Variants in SLC39A11 observed in about 807,000 individuals in gnomAD.
SLC39A11 encodes zinc transporter ZIP11.
In SLC39A11, 33 loss-of-function variants were observed where a neutral mutation model predicts 36.1. The ratio of observed to expected loss-of-function variants is 0.91; its 90% CI spans 0.69 to 1.22. The LOEUF is 1.22. SLC39A11 is among the 50% of genes most tolerant of loss of function. The pLI, the probability that SLC39A11 is intolerant of heterozygous loss-of-function variation, is 0.00. For missense variants in SLC39A11, 432 were observed against 430.3 expected (o/e 1.00, Z -0.03); for synonymous variants, 166 against 170.3 (o/e 0.97, Z 0.20).
At chr17:72,921,808 A>AT (rs2083684027) in intron 5 of SLC39A11, among the ~76,000 whole-genome samples, 1 of 152,188 alleles carries the variant, frequency 6.6e-6, no homozygotes, top group Non-Finnish European at 1.5e-5. Context: ...ACACAGCGTT[A>AT]TTTTATGCAG....
intron 4 of SLC39A11, among the ~76,000 whole-genome samples, chr17:72,950,057 G>A (rs1034858351): frequency 1.3e-5 from 2 of 151,650 alleles, no homozygotes; most frequent in African/African-American, 4.9e-5. Flanking sequence ...TAATGATTCA[G>A]ATCTTTTATT....
intron 4 of SLC39A11, among the ~76,000 whole-genome samples, chr17:73,008,233 A>G (rs1230185437): frequency 1.4e-5 from 2 of 145,964 alleles, no homozygotes; most frequent in African/African-American, 5.0e-5. Flanking sequence ...TGCTTTAAGC[A>G]ATCCTCCAGC....
At chr17:72,888,341 A>T (rs2081542176) in intron 5 of SLC39A11, among the ~76,000 whole-genome samples, 1 of 152,218 alleles carries the variant, frequency 6.6e-6, no homozygotes, top group Non-Finnish European at 1.5e-5. Context: ...CTTTCAACGT[A>T]TTAATTTTCA....
chr17:72,850,000 C>A (rs2079230836), intron 5 of SLC39A11, among the ~76,000 whole-genome samples, 196 bp from the exon 6 acceptor site: 1 of 151,224 alleles, frequency 6.6e-6, no homozygotes, highest in Non-Finnish European at 1.5e-5. Flanking sequence ...CTCAAGCCAT[C>A]CTCCCATCTC....
chr17:72,734,818 G>A (rs540093320), intron 7 of SLC39A11, among the ~76,000 whole-genome samples: 6 of 152,232 alleles, frequency 3.9e-5, no homozygotes, highest in South Asian at 4.2e-4. Flanking sequence ...GGTTTCCTGC[G>A]CTCTGGGAGG....
rs1477212943 is a variant in SLC39A11 at position 73,031,007 on chromosome 17, G to T, written c.306+549C>A. 3.9e-5 allele frequency among the ~76,000 whole-genome samples: 6 copies of T among 152,316 alleles called. No homozygotes were observed. The East Asian group carries it at 1.2e-3, about 29-fold the overall frequency. On this transcript the variant is annotated intron_variant, in intron 4 of 9. Coordinates refer to ENST00000255559, the MANE Select transcript of SLC39A11 (RefSeq NM_139177.4). ...TACATTTTTAAAATTTTACTGTACA[G>T]TCCTTCGGGGGAGTTATCCTCAAAT...
chr17:72,748,752 A>G lies in SLC39A11; in HGVS notation c.602-12033T>C, dbSNP rs78971792. ...TCAGAGAAAAAGGGAGAGAATGCCT[A>G]TACTGGCATTGAAGATTCCGAGCTG... On this transcript the variant is annotated intron_variant, in intron 6 of 9. Transcript: ENST00000255559. Among the ~76,000 whole-genome samples, 1,271 of 152,348 alleles carry G rather than the reference A, an allele frequency of 8.3e-3. 20 individuals are homozygous for G. The highest frequency in any genetic ancestry group is 0.029 in the African/African-American group (1,226 of 41,586).
intron 6 of SLC39A11, among the ~76,000 whole-genome samples, chr17:72,741,771 G>A (rs1011150086): frequency 1.3e-5 from 2 of 152,108 alleles, no homozygotes; most frequent in African/African-American, 2.4e-5. Context: ...CGAGGCCCAG[G>A]GTGTTGGTCC....
chr17:72,993,033 G>C (rs565142480), intron 4 of SLC39A11: 2 of 152,232 alleles, frequency 1.3e-5, no homozygotes, highest in African/African-American at 4.8e-5. Flanking sequence ...TCACTATCAT[G>C]AGAACAGCAC....
chr17:72,702,536 G>A (rs939301794), intron 7 of SLC39A11, among the ~76,000 whole-genome samples: 1 of 152,166 alleles, frequency 6.6e-6, no homozygotes, highest in African/African-American at 2.4e-5. Context: ...TCTACCAAAT[G>A]AGTCATCAAA....
At chr17:73,009,366 A>C (rs1011208959) in intron 4 of SLC39A11, among the ~76,000 whole-genome samples, 26 of 152,046 alleles carry the variant, frequency 1.7e-4, no homozygotes, top group African/African-American at 6.3e-4. Context: ...AAAAAAAAAA[A>C]AAAAAAAGAA....
chr17:73,015,208 T>C (rs541362886), intron 4 of SLC39A11, among the ~76,000 whole-genome samples: 1 of 152,328 alleles, frequency 6.6e-6, no homozygotes, highest in South Asian at 2.1e-4. Context: ...TTCTGCACGG[T>C]TCCTTCTTCT....
chr17:73,086,100 C>A (rs962556634), intron 2 of SLC39A11, among the ~76,000 whole-genome samples: 2 of 152,106 alleles, frequency 1.3e-5, no homozygotes, highest in Non-Finnish European at 2.9e-5. Context: ...TGGGAGATGA[C>A]CCTTGGAGTA....
At chr17:73,086,035 T>C (rs1436374789) in intron 2 of SLC39A11, among the ~76,000 whole-genome samples, 2 of 152,188 alleles carry the variant, frequency 1.3e-5, no homozygotes, top group African/African-American at 4.8e-5. Flanking sequence ...ATATGATTAC[T>C]CCATCTAAAT....
intron 6 of SLC39A11, chr17:72,838,231 CTTTTT>C: frequency 2.0e-5 from 6 of 293,348 alleles, no homozygotes; most frequent in East Asian, 4.7e-5. Flanking sequence ...CTTTCCTTTT[CTTTTT>C]TTTTTTTTTT....
intron 3 of SLC39A11, among the ~76,000 whole-genome samples, chr17:73,045,915 A>G (rs1386091376): frequency 6.6e-6 from 1 of 152,078 alleles, no homozygotes; most frequent in Non-Finnish European, 1.5e-5. Flanking sequence ...ACCCATCAGC[A>G]CTCTCTCAGC....
At chr17:72,940,848 T>C (rs183919629) in intron 5 of SLC39A11, among the ~76,000 whole-genome samples, 15 of 152,310 alleles carry the variant, frequency 9.8e-5, no homozygotes, top group African/African-American at 3.6e-4. Flanking sequence ...CCGCTTCAAA[T>C]TTCTATGTTG....
At chr17:72,683,190 G>C (rs72843220) in intron 7 of SLC39A11, among the ~76,000 whole-genome samples, 28,481 of 151,998 alleles carry the variant, frequency 0.19, 2,864 homozygotes, top group Middle Eastern at 0.25. Context: ...CCATGTAGCT[G>C]GTTCTCAATA....
At chr17:72,959,504 T>C (rs1213134940) in intron 4 of SLC39A11, among the ~76,000 whole-genome samples, 1 of 151,664 alleles carries the variant, frequency 6.6e-6, no homozygotes, top group East Asian at 1.9e-4. Context: ...CACTGATATG[T>C]GGGAGCTAAG....
Sources: gnomAD v4.1 joint callset for allele counts (sites outside exome capture counted in the v4.1 genomes callset) on GRCh38, gnomAD v4.1.1 for gene constraint, MANE v1.5 for transcripts, NCBI Gene and HGNC (gene_info 2026-07-23, HGNC 2026-07-21) for gene names.